Variants in TRERF1 observed in about 807,000 individuals in gnomAD.
TRERF1 encodes the protein transcriptional-regulating factor 1.
Under a neutral mutation model 122.9 loss-of-function variants are expected in TRERF1, and 27 were observed. The ratio of observed to expected loss-of-function variants is 0.22; its 90% CI spans 0.16 to 0.30. TRERF1 has a LOEUF of 0.30. Ranked by LOEUF, TRERF1 falls within the 10% of genes least tolerant of loss-of-function variation. TRERF1 has a pLI of 1.00. For synonymous variants in TRERF1, 636 were observed against 641.7 expected (o/e 0.99, Z 0.13); for missense variants, 1,248 against 1,560.3 (o/e 0.80, Z 3.37).
intron 2 of TRERF1, among the ~76,000 whole-genome samples, chr6:42,364,079 A>G (rs623763): frequency 0.25 from 38,417 of 152,140 alleles, 8,144 homozygotes; most frequent in African/African-American, 0.57. Context: ...AAATGGCCAC[A>G]GTCCACATGA....
chr6:42,366,382 T>A (rs1772731235), intron 2 of TRERF1, among the ~76,000 whole-genome samples: 1 of 152,214 alleles, frequency 6.6e-6, no homozygotes, highest in Non-Finnish European at 1.5e-5. Context: ...AGAACCAAGA[T>A]GGCCAAGTGA....
chr6:42,340,991 G>A (rs1657828126), intron 3 of TRERF1, among the ~76,000 whole-genome samples: 1 of 152,190 alleles, frequency 6.6e-6, no homozygotes, highest in African/African-American at 2.4e-5. Context: ...AAGGGGCCAA[G>A]GGCCCATCAT....
intron 2 of TRERF1, among the ~76,000 whole-genome samples, chr6:42,408,261 G>GTATGTATGTATATATACATACTCA (rs1562152892): frequency 7.6e-5 from 10 of 131,544 alleles, no homozygotes; most frequent in African/African-American, 2.4e-4. Context: ...ATACACATGT[G>GTATGTATGTATATATACATACTCA]TGTGTATGTA....
At chr6:42,302,823 C>T (rs1786460334) in intron 3 of TRERF1, among the ~76,000 whole-genome samples, 1 of 152,212 alleles carries the variant, frequency 6.6e-6, no homozygotes, top group Non-Finnish European at 1.5e-5. Flanking sequence ...AATAAATTCA[C>T]CATCCTAACC....
chr6:42,356,540 T>C (rs550314960), intron 3 of TRERF1, among the ~76,000 whole-genome samples: 5 of 152,364 alleles, frequency 3.3e-5, no homozygotes, highest in South Asian at 2.1e-4. Context: ...GATCTTGGAC[T>C]TCCCAGCCTC....
At chr6:42,421,980 C>A (rs1481337993) in intron 2 of TRERF1, among the ~76,000 whole-genome samples, 1 of 151,084 alleles carries the variant, frequency 6.6e-6, no homozygotes, top group African/African-American at 2.4e-5. Flanking sequence ...CCAACCTGGC[C>A]AACATGGTGA....
intron 3 of TRERF1, among the ~76,000 whole-genome samples, chr6:42,330,338 G>A (rs2150564855): frequency 6.6e-6 from 1 of 152,272 alleles, no homozygotes; most frequent in African/African-American, 2.4e-5. Flanking sequence ...ACTGGCTAGG[G>A]GGAAAAAGCT....
Position 42,263,561 on chromosome 6 carries a change from C to A in TRERF1, c.1643G>T (p.Gly548Val). 2 of 1,536,498 alleles carry A rather than the reference C, an allele frequency of 1.3e-6. No individual in the cohort carries two copies. Among genetic ancestry groups the A allele is most frequent in the Non-Finnish European group, 1.8e-6 (2 of 1,141,054 alleles). ...GGGCTGAGGCGGCAGGACCTTCTCTCCTTCCTCCTACACAGACAATAAAGG... is the reference window on the plus strand; with the variant it reads ...GGGCTGAGGCGGCAGGACCTTCTCTACTTCCTCCTACACAGACAATAAAGG... Residue 548 changes from glycine to valine, a missense_variant, in exon 8 of 18, where the codon GGA becomes GTA. Around this residue, in one of 5 missense-constraint regions of TRERF1, gnomAD observed 946 missense variants for 1,073.0 expected, o/e 0.88. Transcript: ENST00000372922. The surrounding 1 kb of genome is among the most constrained non-coding windows in gnomAD (Gnocchi z 5.6).
At chr6:42,312,003 T>C (rs949677487) in intron 3 of TRERF1, among the ~76,000 whole-genome samples, 4 of 152,140 alleles carry the variant, frequency 2.6e-5, no homozygotes, top group Non-Finnish European at 5.9e-5. Flanking sequence ...TTCAGACATA[T>C]CATGGGGAGA....
rs558047963 is a variant in TRERF1, at chr6:42,393,079, G to A, written c.-453-30000C>T. On this transcript the variant is annotated intron_variant, in intron 2 of 17. Transcript: ENST00000372922. The surrounding 1 kb of genome is among the most constrained non-coding windows in gnomAD (Gnocchi z 4.1). ...ACAGTTAACTCCCACGAGCTGGTGC[G>A]AGCCAGCTTCCACACGCATCACCGA... is the stretch of plus-strand genomic sequence containing the variant. Among the ~76,000 whole-genome samples the A allele has an allele frequency of 6.6e-6, 1 of 152,184 alleles. No individual in the cohort carries two copies. The highest frequency in any genetic ancestry group is 6.5e-5 in the Admixed American group (1 of 15,276).
At chr6:42,358,411 G>A (rs1581768961) in intron 3 of TRERF1, among the ~76,000 whole-genome samples, 1 of 152,176 alleles carries the variant, frequency 6.6e-6, no homozygotes, top group Admixed American at 6.5e-5. Context: ...TGACTCTAGA[G>A]AACTCTTAGG....
chr6:42,305,235 C>T (rs73428878), intron 3 of TRERF1, among the ~76,000 whole-genome samples: 4,368 of 152,234 alleles, frequency 0.029, 154 homozygotes, highest in African/African-American at 0.08. Context: ...TGCCTCCTTA[C>T]AGGGGTAGAA....
At chr6:42,246,428 A>G in intron 14 of TRERF1, 28 bp downstream of exon 14, 10 of 1,490,606 alleles carry the variant, frequency 6.7e-6, no homozygotes, top group African/African-American at 1.4e-5. Context: ...TTTAATTTCA[A>G]GGGGGCAATG....
chr6:42,374,244 C>T (rs1396404972), intron 2 of TRERF1, among the ~76,000 whole-genome samples: 12 of 152,162 alleles, frequency 7.9e-5, no homozygotes. Flanking sequence ...CAGCTTGCCC[C>T]TACACACTCT....
intron 4 of TRERF1, among the ~76,000 whole-genome samples, chr6:42,300,397 A>C (rs932616300): frequency 8.5e-5 from 13 of 152,150 alleles, no homozygotes; most frequent in African/African-American, 2.9e-4. Context: ...GAGGTGGTGG[A>C]AGAATAATAA....
intron 2 of TRERF1, among the ~76,000 whole-genome samples, chr6:42,397,366 G>C (rs16895681): frequency 0.085 from 13,003 of 152,098 alleles, 814 homozygotes; most frequent in African/African-American, 0.17. Context: ...GGCACCGTCG[G>C]GATGTACTGT....
intron 4 of TRERF1, among the ~76,000 whole-genome samples, chr6:42,283,880 T>C (rs374114432): frequency 7.2e-5 from 11 of 152,224 alleles, no homozygotes; most frequent in South Asian, 4.1e-4. Flanking sequence ...CCTCCCAAAG[T>C]GCTGGGATTA....
At chr6:42,420,698 AAT>A (rs1421663179) in intron 2 of TRERF1, among the ~76,000 whole-genome samples, 2 of 152,214 alleles carry the variant, frequency 1.3e-5, no homozygotes, top group Non-Finnish European at 2.9e-5. Context: ...AACAAACCTA[AAT>A]ATGTTTAATT....
At chr6:42,394,462 T>A (rs958562758) in intron 2 of TRERF1, among the ~76,000 whole-genome samples, 1 of 152,186 alleles carries the variant, frequency 6.6e-6, no homozygotes, top group Admixed American at 6.5e-5. Flanking sequence ...GGACTGCAGA[T>A]GTACACATTC....
Sources: allele counts gnomAD v4.1 joint callset (sites outside exome capture counted in the v4.1 genomes callset), GRCh38; gene constraint gnomAD v4.1.1; regional missense constraint gnomAD v4.1.1; non-coding constraint Gnocchi (gnomAD v3.1); transcripts MANE v1.5; gene names NCBI Gene and HGNC (gene_info 2026-07-23, HGNC 2026-07-21).